TMEM151A: variants seen among roughly 807,000 people sequenced by gnomAD.
The protein encoded by TMEM151A is transmembrane protein 151.
A neutral mutation model predicts 33.7 loss-of-function variants in TMEM151A; 21 were observed. That is an observed-to-expected ratio of 0.62 (90% CI 0.44 to 0.90). The LOEUF (loss-of-function observed/expected upper bound fraction) is 0.90. Among genes scored for constraint, TMEM151A ranks in the 40% least tolerant of loss-of-function variants. TMEM151A has a pLI of 0.00. For missense variants in TMEM151A, 704 were observed against 697.7 expected, an observed-to-expected ratio of 1.01 and a Z score of -0.10; for synonymous variants, 374 against 330.3, an observed-to-expected ratio of 1.13 and a Z score of -1.43.
At position 66,295,419 on chromosome 11, in the gene TMEM151A, C is replaced by G. The variant is rs1401452665; in HGVS notation, c.1173C>G (p.Pro391=). The G allele has an allele frequency of 1.1e-5, 17 of 1,499,712 alleles. No homozygotes were observed. The highest frequency in any genetic ancestry group is 2.9e-5 in the African/African-American group (2 of 68,224). The allele number at this position is 1,499,712 out of a possible 1,614,324, so 92.9% of individuals were successfully genotyped here. A position where few individuals can be genotyped will look rare whatever the true frequency, so the allele number is the denominator to read the frequency against. The change falls in exon 2 of 2, where the codon CCC becomes CCG. Residue 391 remains proline (P), a synonymous_variant. Transcript: ENST00000327259. The part of the protein sequence containing the change: ...RRSVSSNSLP[P]ARPSGPRLPF... ...CTGTCAGCAGCAACTCGCTGCCCCC[C>G]GCCCGGCCCAGCGGGCCCCGCCTGC...
rs1285599160 is a variant in TMEM151A at position 66,292,484 on chromosome 11, CG to C, written c.75+397del. ...GCAGCGCCTGCAATGCAGCAGCAGT[CG>C]CAGAGCCTAGAGGGGAGGAGGGGAA... On this transcript the variant is annotated intron_variant, in intron 1 of 1. Transcript: ENST00000327259. The surrounding 1 kb of genome is among the most constrained non-coding windows in gnomAD (Gnocchi z 4.7). Among the ~76,000 whole-genome samples, 1 of 152,174 alleles carries C rather than the reference CG, an allele frequency of 6.6e-6. No individual in the cohort carries two copies.
rs1002168631 is a variant in TMEM151A, at chr11:66,294,812, C to A, written c.566C>A (p.Ala189Asp). 1.9e-6 allele frequency: 3 copies of A among 1,541,966 alleles called. No homozygotes were observed. The highest frequency in any genetic ancestry group is 2.6e-6 in the Non-Finnish European group (3 of 1,146,368). Residue 189 changes from alanine (A) to aspartate (D), a missense_variant, in exon 2 of 2, where the codon GCC becomes GAC. Physicochemically the swap from Ala to Asp is moderately radical, Grantham distance 126 (BLOSUM62 -2). This residue lies in a region of TMEM151A where 301 missense variants were observed against 323.4 expected (regional missense o/e 0.93). Coordinates refer to ENST00000327259, the MANE Select transcript of TMEM151A (RefSeq NM_153266.4). ...VYHERADSRT[A>D]RGEFDYSAHG... ...CATGAGCGCGCTGACAGCCGCACGG[C>A]CCGCGGCGAGTTTGACTACTCGGCG...
chr11:66,293,678 G>A (rs1857478989), intron 1 of TMEM151A, among the ~76,000 whole-genome samples: 1 of 152,192 alleles, frequency 6.6e-6, no homozygotes, highest in South Asian at 2.1e-4. Flanking sequence ...GAGTCTCAGG[G>A]TAATGGTGAT....
In TMEM151A at chr11:66,294,418, G is replaced by T. The variant is rs755396787; in HGVS notation, c.172G>T (p.Val58Leu). 6.2e-7 allele frequency: 1 copy of T among 1,611,568 alleles called. No individual in the cohort carries two copies. The highest frequency in any genetic ancestry group is 8.5e-7 in the Non-Finnish European group (1 of 1,179,666). Residue 58 changes from valine to leucine, a missense_variant, in exon 2 of 2, where the codon GTG becomes TTG. Val to Leu is a conservative substitution (Grantham distance 32). Coordinates refer to ENST00000327259, the MANE Select transcript of TMEM151A (RefSeq NM_153266.4). ...LTLLIHACGA[V>L]VAWCRLATVP... ...GCTGCTCATCCACGCCTGCGGGGCC[G>T]TGGTGGCCTGGTGTCGCCTGGCCAC... is the stretch of plus-strand genomic sequence containing the variant.
rs1280228318 is a variant in TMEM151A at position 66,294,767 on chromosome 11, A to C, written c.521A>C (p.Tyr174Ser). 1 of 1,547,074 alleles carries C rather than the reference A, an allele frequency of 6.5e-7. No homozygotes were observed. Among genetic ancestry groups the C allele is most frequent in the African/African-American group, 1.4e-5 (1 of 73,216 alleles). ...ACGCGCTACCGCAACGGCGACGCCT[A>C]CACCACCACGCAGGTGTACCATGAG... ...QITRYRNGDA[Y>S]TTTQVYHERA... The change falls in exon 2 of 2, where the codon TAC (tyrosine) becomes TCC (serine). Residue 174 changes from tyrosine (Y) to serine (S), a missense_variant. Transcript: ENST00000327259.
chr11:66,294,278 T>A, intron 1 of TMEM151A, 44 bp from the exon 2 acceptor site: 1 of 1,591,654 alleles, frequency 6.3e-7, no homozygotes, highest in Non-Finnish European at 8.5e-7. Context: ...GCCCCACTGA[T>A]GGCCCCACCT....
rs1461980096 is a variant in TMEM151A at position 66,292,394 on chromosome 11, G to GCC, written c.75+310_75+311dup. Reference sequence around the variant, plus strand: ...GTGCCGCAGCGCAGCGGGGGATGCTGCCCCCACCCCCAGGGCCGCGGGGTC... The same window carrying GCC: ...GTGCCGCAGCGCAGCGGGGGATGCTGCCCCCCCACCCCCAGGGCCGCGGGGTC... On this transcript the variant is annotated intron_variant, in intron 1 of 1. Transcript: ENST00000327259. The surrounding 1 kb of genome is among the most constrained non-coding windows in gnomAD (Gnocchi z 4.7). Among the ~76,000 whole-genome samples, 5 of 152,304 alleles carry GCC rather than the reference G, an allele frequency of 3.3e-5. No individual in the cohort carries two copies. In the South Asian group the frequency reaches 1.0e-3, roughly 32 times the overall value.
Position 66,294,400 on chromosome 11 carries a change from A to G in TMEM151A, c.154A>G (p.Ile52Val). The change falls in exon 2 of 2, where the codon ATC becomes GTC. Residue 52 changes from isoleucine to valine, a missense_variant. Ile to Val is a conservative substitution (Grantham distance 29). Coordinates refer to ENST00000327259, the MANE Select transcript of TMEM151A (RefSeq NM_153266.4). ...GAAGTGCCTGCTCCTCACGCTGCTC[A>G]TCCACGCCTGCGGGGCCGTGGTGGC... The part of the protein sequence containing the change: ...HWKCLLLTLL[I>V]HACGAVVAWC... 6.2e-7 allele frequency: 1 copy of G among 1,611,864 alleles called. No homozygotes were observed. Among genetic ancestry groups the G allele is most frequent in the Non-Finnish European group, 8.5e-7 (1 of 1,179,838 alleles).
At position 66,295,949 on chromosome 11, in the gene TMEM151A, G is replaced by A; in HGVS notation, c.*296G>A. 1 of 308,668 alleles carries A rather than the reference G, an allele frequency of 3.2e-6. No homozygotes were observed. Among genetic ancestry groups the A allele is most frequent in the Non-Finnish European group, 5.9e-6 (1 of 168,104 alleles). 19.1% of individuals were successfully genotyped at this position (308,668 alleles called of 1,614,324 possible). On this transcript the variant is annotated 3_prime_UTR_variant, in exon 2 of 2. Transcript: ENST00000327259. ...GAGAAGAAGCTTCCAGAAAGGCTGG[G>A]ATGGAGGAGGAGTCCTGCGGCCAGC... is the stretch of plus-strand genomic sequence containing the variant.
Position 66,295,787 on chromosome 11 carries a change from G to A in TMEM151A, c.*134G>A. 1 of 855,386 alleles carries A rather than the reference G, an allele frequency of 1.2e-6. No individual in the cohort carries two copies. The highest frequency in any genetic ancestry group is 3.3e-5 in the East Asian group (1 of 29,858). 53.0% of individuals were successfully genotyped at this position (855,386 alleles called of 1,614,324 possible). ...AAGGGGCAGGGGTGAGGGTGGGGGT[G>A]GGGGTCCTTAAACAGACTAAAATGC... is the stretch of plus-strand genomic sequence containing the variant. On this transcript the variant is annotated 3_prime_UTR_variant, in exon 2 of 2. Coordinates refer to ENST00000327259, the MANE Select transcript of TMEM151A (RefSeq NM_153266.4).
Position 66,292,125 on chromosome 11 carries a change from C to A in TMEM151A, c.75+37C>A. ...GGGGGGGCCGGAGCCGGGCCTGGGG[C>A]GGCGTGAGAGGGACCAGTGCAAAAG... On this transcript the variant is annotated intron_variant, in intron 1 of 1. Coordinates refer to ENST00000327259, the MANE Select transcript of TMEM151A (RefSeq NM_153266.4). This position sits in a 1 kb window ranked among gnomAD's most constrained non-coding sequence, Gnocchi z 4.7. 1.4e-6 allele frequency: 2 copies of A among 1,400,036 alleles called. No homozygotes were observed. Among genetic ancestry groups the A allele is most frequent in the South Asian group, 1.5e-5 (1 of 64,850 alleles). The allele number at this position is 1,400,036 out of a possible 1,614,324, so 86.7% of individuals were successfully genotyped here. A position where few individuals can be genotyped will look rare whatever the true frequency, so the allele number is the denominator to read the frequency against.
Position 66,295,358 on chromosome 11 carries a change from G to GCGCCTACCT in TMEM151A, c.1114_1122dup (p.Ala372_Leu374dup). ...GCCGTGGTCATGGGCGCGGGCTCGG[G>GCGCCTACCT]CGCCTACCTCAGAGGCTGCCAGCGC... is the stretch of plus-strand genomic sequence containing the variant. On this transcript the variant is annotated inframe_insertion, in exon 2 of 2. Transcript: ENST00000327259. The GCGCCTACCT allele has an allele frequency of 6.3e-7, 1 of 1,576,946 alleles. No individual in the cohort carries two copies. The highest frequency in any genetic ancestry group is 8.6e-7 in the Non-Finnish European group (1 of 1,163,986).
intron 1 of TMEM151A, among the ~76,000 whole-genome samples, 159 bp from the exon 2 acceptor site, chr11:66,294,163 G>A (rs1278080745): frequency 6.6e-6 from 1 of 152,234 alleles, no homozygotes; most frequent in Non-Finnish European, 1.5e-5. Context: ...AGCTGGAAAT[G>A]TGAAGCCTGG....
Position 66,295,611 on chromosome 11 carries a change from C to A in TMEM151A, c.1365C>A (p.His455Gln), listed in dbSNP as rs1249651853. The change falls in exon 2 of 2, where the codon CAC (histidine) becomes CAA (glutamine). Residue 455 changes from histidine to glutamine, a missense_variant. Transcript: ENST00000327259. The stretch of plus-strand genomic sequence containing the variant: ...TCTACTTCCCGGTGCTCATTGTCCA[C>A]GGAGACAGCGGCTGCCAGGGGGATG... ...DALYFPVLIV[H>Q]GDSGCQGDGQ... 1.9e-6 allele frequency: 3 copies of A among 1,546,792 alleles called. No individual in the cohort carries two copies. In the African/African-American group the frequency reaches 4.3e-5, roughly 22 times the overall value.
rs1424203252 is a variant in TMEM151A, at chr11:66,295,531, C to A, written c.1285C>A (p.Arg429Ser). Residue 429 changes from arginine to serine, a missense_variant, in exon 2 of 2, where the codon CGC becomes AGC. This residue lies in a region of TMEM151A where 398 missense variants were observed against 356.0 expected (regional missense o/e 1.12). Transcript: ENST00000327259. ...CAGCCTGAGCGGGGGGCCGCTGGGGCGCCGTGGAGAGGACACGGAACCCCT... is the reference window on the plus strand; with the variant it reads ...CAGCCTGAGCGGGGGGCCGCTGGGGAGCCGTGGAGAGGACACGGAACCCCT... ...FRSLSGGPLG[R>S]RGEDTEPLES... The A allele has an allele frequency of 2.8e-6, 4 of 1,408,972 alleles. No individual in the cohort carries two copies. Among genetic ancestry groups the A allele is most frequent in the Admixed American group, 3.2e-5 (1 of 31,726 alleles). The allele number at this position is 1,408,972 out of a possible 1,614,324, so 87.3% of individuals were successfully genotyped here.
At position 66,295,594 on chromosome 11, in the gene TMEM151A, C is replaced by T; in HGVS notation, c.1348C>T (p.Pro450Ser). The T allele has an allele frequency of 6.5e-7, 1 of 1,544,328 alleles. No homozygotes were observed. Among genetic ancestry groups the T allele is most frequent in the Non-Finnish European group, 8.7e-7 (1 of 1,147,698 alleles). The change falls in exon 2 of 2, where the codon CCG (proline) becomes TCG (serine). Residue 450 changes from proline (P) to serine (S), a missense_variant. By Grantham distance (74) the Pro-to-Ser change is moderately conservative. Around this residue, in one of 3 missense-constraint regions of TMEM151A, gnomAD observed 398 missense variants for 356.0 expected, o/e 1.12. Coordinates refer to ENST00000327259, the MANE Select transcript of TMEM151A (RefSeq NM_153266.4). ...CTGCTATGAGGACGCCCTCTACTTC[C>T]CGGTGCTCATTGTCCACGGAGACAG... The part of the protein sequence containing the change: ...PPCYEDALYF[P>S]VLIVHGDSGC...
Position 66,295,273 on chromosome 11 carries a change from T to C in TMEM151A, c.1027T>C (p.Phe343Leu). 1 of 1,570,116 alleles carries C rather than the reference T, an allele frequency of 6.4e-7. No homozygotes were observed. The highest frequency in any genetic ancestry group is 1.4e-5 in the African/African-American group (1 of 73,864). The change falls in exon 2 of 2, where the codon TTC becomes CTC. Residue 343 changes from phenylalanine to leucine, a missense_variant. This residue lies in a region of TMEM151A where 398 missense variants were observed against 356.0 expected (regional missense o/e 1.12). Coordinates refer to ENST00000327259, the MANE Select transcript of TMEM151A (RefSeq NM_153266.4). ...GCTGTCCCGCGTGGCCACAGTGGAC[T>C]TCACTGAGCTCGAGTGGCACATCTG... ...PPLSRVATVDFTELEWHICSN... is the reference protein window; with the variant it reads ...PPLSRVATVDLTELEWHICSN...
At position 66,292,122 on chromosome 11, in the gene TMEM151A, G is replaced by A; in HGVS notation, c.75+34G>A. On this transcript the variant is annotated intron_variant, in intron 1 of 1. Transcript: ENST00000327259. This position sits in a 1 kb window ranked among gnomAD's most constrained non-coding sequence, Gnocchi z 4.7. ...GCTGGGGGGGCCGGAGCCGGGCCTG[G>A]GGCGGCGTGAGAGGGACCAGTGCAA... 1 of 1,408,230 alleles carries A rather than the reference G, an allele frequency of 7.1e-7. No homozygotes were observed. The highest frequency in any genetic ancestry group is 9.2e-7 in the Non-Finnish European group (1 of 1,090,070). The allele number at this position is 1,408,230 out of a possible 1,614,324, so 87.2% of individuals were successfully genotyped here. A position where few individuals can be genotyped will look rare whatever the true frequency, so the allele number is the denominator to read the frequency against.
Position 66,295,800 on chromosome 11 carries a change from C to A in TMEM151A, c.*147C>A. The stretch of plus-strand genomic sequence containing the variant: ...GAGGGTGGGGGTGGGGGTCCTTAAA[C>A]AGACTAAAATGCAGTTACCTGTGGT... On this transcript the variant is annotated 3_prime_UTR_variant, in exon 2 of 2. Transcript: ENST00000327259. The A allele has an allele frequency of 1.4e-6, 1 of 705,432 alleles. No individual in the cohort carries two copies. The highest frequency in any genetic ancestry group is 2.0e-6 in the Non-Finnish European group (1 of 492,726). 43.7% of individuals were successfully genotyped at this position (705,432 alleles called of 1,614,324 possible).
Sources: allele counts gnomAD v4.1 joint callset (sites outside exome capture counted in the v4.1 genomes callset), GRCh38; gene constraint gnomAD v4.1.1; regional missense constraint gnomAD v4.1.1; non-coding constraint Gnocchi (gnomAD v3.1); transcripts MANE v1.5; gene names NCBI Gene and HGNC (gene_info 2026-07-23, HGNC 2026-07-21).